The following SP4 variants were observed in gnomAD, a reference collection of about 807,000 sequenced individuals.
SP4 encodes the protein transcription factor Sp4.
In SP4, 19 loss-of-function variants were observed where a neutral mutation model predicts 72.8. The observed-to-expected ratio is 0.26, with a 90% CI of 0.18 to 0.38. The LOEUF (loss-of-function observed/expected upper bound fraction) is 0.38. Ranked by LOEUF, SP4 falls within the 10% of genes least tolerant of loss-of-function variation. The pLI, the probability that SP4 is intolerant of heterozygous loss-of-function variation, is 1.00. For synonymous variants in SP4, 395 were observed against 333.1 expected (o/e 1.19, Z -2.02); for missense variants, 1,008 against 926.3 (o/e 1.09, Z -1.14).
intron 3 of SP4, among the ~76,000 whole-genome samples, chr7:21,476,423 A>AT (rs1784502837): frequency 1.3e-5 from 2 of 152,206 alleles, no homozygotes; most frequent in South Asian, 4.1e-4. Flanking sequence ...AATCTGAGTG[A>AT]TGAAGTCTAA....
rs1782812449 is a variant in SP4, at chr7:21,430,670, G to A, written c.1505G>A (p.Ser502Asn). ...QQLTITPVSSSGGTTLAQIAP... is the reference protein window; with the variant it reads ...QQLTITPVSSNGGTTLAQIAP... ...TTAACCATCACCCCAGTGTCTTCAAGTGGTGGCACAACTCTTGCTCAGATT... is the reference window on the plus strand; with the variant it reads ...TTAACCATCACCCCAGTGTCTTCAAATGGTGGCACAACTCTTGCTCAGATT... Residue 502 changes from serine (S) to asparagine (N), a missense_variant, in exon 3 of 6, where the codon AGT becomes AAT. By Grantham distance (46) the Ser-to-Asn change is conservative (BLOSUM62 1). Transcript: ENST00000222584. The A allele has an allele frequency of 1.9e-6, 3 of 1,614,124 alleles. No homozygotes were observed. The highest frequency in any genetic ancestry group is 1.7e-5 in the Admixed American group (1 of 60,014).
At chr7:21,477,725 G>T (rs1784549275) in intron 4 of SP4, among the ~76,000 whole-genome samples, 1 of 152,066 alleles carries the variant, frequency 6.6e-6, no homozygotes. Flanking sequence ...ATTTTTAGTA[G>T]AGGCGGGGTT....
At chr7:21,487,354 GTC>G (rs372613825) in intron 5 of SP4, among the ~76,000 whole-genome samples, 6 of 144,674 alleles carry the variant, frequency 4.1e-5, no homozygotes, top group South Asian at 2.2e-4. Flanking sequence ...CTCTTTCTCT[GTC>G]TCTCTCTCTC....
chr7:21,477,121 C>G lies in SP4; in HGVS notation c.1721C>G (p.Thr574Ser), dbSNP rs770531716. The G allele has an allele frequency of 1.9e-6, 3 of 1,614,112 alleles. No homozygotes were observed. The East Asian group carries it at 6.7e-5, about 36-fold the overall frequency. ...GQDGVKVQQA[T>S]IAPVTVAVGG... ...GATGGAGTAAAAGTCCAGCAAGCTA[C>G]TATAGCTCCTGTAACTGTAGCAGTT... The change falls in exon 4 of 6, where the codon ACT becomes AGT. Residue 574 changes from threonine (T) to serine (S), a missense_variant. Coordinates refer to ENST00000222584, the MANE Select transcript of SP4 (RefSeq NM_003112.5).
intron 5 of SP4, among the ~76,000 whole-genome samples, chr7:21,502,654 C>T (rs921193912): frequency 6.6e-6 from 1 of 152,186 alleles, no homozygotes; most frequent in Admixed American, 6.5e-5. Flanking sequence ...CAGGCATTCA[C>T]ATCCCCATAC....
intron 5 of SP4, among the ~76,000 whole-genome samples, chr7:21,503,924 AT>A (rs1781929982): frequency 6.6e-6 from 1 of 152,152 alleles, no homozygotes. Flanking sequence ...CATTGACTCC[AT>A]TTGTGTAATG....
intron 3 of SP4, among the ~76,000 whole-genome samples, chr7:21,472,495 G>A (rs139801436): frequency 4.6e-5 from 7 of 152,034 alleles, no homozygotes; most frequent in East Asian, 2.0e-4. Context: ...ATCTCACTGC[G>A]TTGCCTAGGT....
At chr7:21,460,195 G>A (rs1783909738) in intron 3 of SP4, among the ~76,000 whole-genome samples, 1 of 152,188 alleles carries the variant, frequency 6.6e-6, no homozygotes, top group Non-Finnish European at 1.5e-5. Context: ...CAAGAATGAA[G>A]CCACGGACCC....
chr7:21,493,028 C>CGT (rs1785020097), intron 5 of SP4, among the ~76,000 whole-genome samples: 1 of 152,010 alleles, frequency 6.6e-6, no homozygotes, highest in Non-Finnish European at 1.5e-5. Flanking sequence ...GGTGAAACCC[C>CGT]ACCTCTACTA....
chr7:21,505,405 A>T (rs748261683), intron 5 of SP4, among the ~76,000 whole-genome samples: 3 of 152,182 alleles, frequency 2.0e-5, no homozygotes, highest in Non-Finnish European at 4.4e-5. Flanking sequence ...AAATTAAAAG[A>T]TTATCTATGT....
At chr7:21,509,767 G>T (rs547147330) in intron 5 of SP4, among the ~76,000 whole-genome samples, 1 of 152,276 alleles carries the variant, frequency 6.6e-6, no homozygotes, top group South Asian at 2.1e-4. Flanking sequence ...TTATTGGTAA[G>T]TCAAAAGCAG....
chr7:21,452,783 A>AT (rs1210906365), intron 3 of SP4, among the ~76,000 whole-genome samples: 1,395 of 136,902 alleles, frequency 0.01, 7 homozygotes, highest in African/African-American at 0.02. Flanking sequence ...TTTACTCATT[A>AT]TTTTTTTTTT....
chr7:21,429,801 C>T lies in SP4; in HGVS notation c.636C>T (p.Asn212=), dbSNP rs148321534. 4 of 1,614,080 alleles carry T rather than the reference C, an allele frequency of 2.5e-6. No homozygotes were observed. Among genetic ancestry groups the T allele is most frequent in the South Asian group, 1.1e-5 (1 of 91,090 alleles). Residue 212 remains asparagine, a synonymous_variant, in exon 3 of 6, where the codon AAC becomes AAT. Transcript: ENST00000222584. ...ATCAAGCTATACTCACAGCTGCTAA[C>T]AGGACAGCTTCTGGGAATATTCTTG... is the stretch of plus-strand genomic sequence containing the variant. ...GNNQAILTAA[N]RTASGNILAQ...
At chr7:21,500,599 T>C (rs1381179580) in intron 5 of SP4, among the ~76,000 whole-genome samples, 2 of 152,122 alleles carry the variant, frequency 1.3e-5, no homozygotes, top group Non-Finnish European at 2.9e-5. Flanking sequence ...AGAATGTAGG[T>C]CCTTGTTTCC....
At chr7:21,437,692 C>T (rs1783093523) in intron 3 of SP4, among the ~76,000 whole-genome samples, 1 of 152,162 alleles carries the variant, frequency 6.6e-6, no homozygotes, top group Non-Finnish European at 1.5e-5. Context: ...GAGGGAATTA[C>T]ATACCTACAA....
chr7:21,475,025 T>C (rs1784456133), intron 3 of SP4, among the ~76,000 whole-genome samples: 1 of 152,214 alleles, frequency 6.6e-6, no homozygotes, highest in Non-Finnish European at 1.5e-5. Context: ...CTTGGTACTT[T>C]TTATTGCCTC....
At chr7:21,456,355 G>A (rs1196740258) in intron 3 of SP4, among the ~76,000 whole-genome samples, 2 of 152,176 alleles carry the variant, frequency 1.3e-5, no homozygotes, top group African/African-American at 4.8e-5. Flanking sequence ...TGTATGGTAA[G>A]TCATAAGGAG....
intron 5 of SP4, among the ~76,000 whole-genome samples, chr7:21,489,572 T>C (rs1438362704): frequency 6.9e-6 from 1 of 145,210 alleles, no homozygotes; most frequent in East Asian, 2.0e-4. Context: ...TTTTTTTTTT[T>C]TTTTTGAGAT....
intron 5 of SP4, among the ~76,000 whole-genome samples, chr7:21,487,546 C>A (rs917160989): frequency 6.6e-6 from 1 of 151,326 alleles, no homozygotes; most frequent in African/African-American, 2.4e-5. Flanking sequence ...ATAGTGTATT[C>A]CATCATTGTT....
Sources: gnomAD v4.1 joint callset for allele counts (sites outside exome capture counted in the v4.1 genomes callset) on GRCh38, gnomAD v4.1.1 for gene constraint, MANE v1.5 for transcripts, NCBI Gene and HGNC (gene_info 2026-07-23, HGNC 2026-07-21) for gene names.